Variants in VEGFC observed in about 807,000 individuals in gnomAD.
VEGFC encodes the protein vascular endothelial growth factor C.
A neutral mutation model predicts 46.1 loss-of-function variants in VEGFC; 12 were observed. That is an observed-to-expected ratio of 0.26 (90% CI 0.17 to 0.42). The LOEUF is 0.42. VEGFC is among the 10% of genes least tolerant of loss of function. VEGFC has a pLI of 1.00. For missense variants in VEGFC, 488 were observed against 529.4 expected (o/e 0.92, Z 0.77); for synonymous variants, 232 against 195.5 (o/e 1.19, Z -1.56).
Position 176,711,029 on chromosome 4 carries a change from TAC to T in VEGFC, c.704+468_704+469del, listed in dbSNP as rs140093711. On this transcript the variant is annotated intron_variant, in intron 4 of 6. Coordinates refer to ENST00000618562, the MANE Select transcript of VEGFC (RefSeq NM_005429.5). ...ACATGGAGATACATATATACACATA[TAC>T]ACACACACACATATATATTTTTATG... Among the ~76,000 whole-genome samples, 317 of 152,084 alleles carry T rather than the reference TAC, an allele frequency of 2.1e-3. 10 individuals carry two copies. In the East Asian group the frequency reaches 0.049, roughly 24 times the overall value.
intron 3 of VEGFC, among the ~76,000 whole-genome samples, chr4:176,723,909 T>TC (rs1734832440): frequency 6.6e-6 from 1 of 151,228 alleles, no homozygotes; most frequent in Non-Finnish European, 1.5e-5. Context: ...GGTTTGGGGG[T>TC]CCATGTGCAG....
chr4:176,738,034 C>G (rs2111027597), intron 1 of VEGFC, among the ~76,000 whole-genome samples: 1 of 151,910 alleles, frequency 6.6e-6, no homozygotes, highest in South Asian at 2.1e-4. Flanking sequence ...GTACAAACCA[C>G]TGATAAAAAA....
intron 3 of VEGFC, among the ~76,000 whole-genome samples, chr4:176,717,478 T>C (rs576157805): frequency 4.5e-4 from 69 of 152,230 alleles, no homozygotes; most frequent in African/African-American, 1.5e-3. Context: ...TACAGCAGCA[T>C]AGCAACGGCT....
intron 1 of VEGFC, among the ~76,000 whole-genome samples, chr4:176,737,377 C>A (rs548921728): frequency 4.2e-5 from 6 of 144,126 alleles, no homozygotes; most frequent in African/African-American, 1.6e-4. Flanking sequence ...TATTTTCCAA[C>A]AAACGTTATA....
chr4:176,735,790 A>G (rs1579113327), intron 1 of VEGFC, among the ~76,000 whole-genome samples: 1 of 151,898 alleles, frequency 6.6e-6, no homozygotes, highest in Admixed American at 6.6e-5. Context: ...AGCTGCTTCA[A>G]AGAGGTGCCT....
chr4:176,743,080 GC>G (rs1204964102), intron 1 of VEGFC, among the ~76,000 whole-genome samples: 3 of 152,022 alleles, frequency 2.0e-5, no homozygotes, highest in African/African-American at 7.2e-5. Context: ...GGGACTGGCT[GC>G]CCAGGAAAGT....
At chr4:176,734,191 A>C (rs73872166) in intron 1 of VEGFC, among the ~76,000 whole-genome samples, 2 of 151,770 alleles carry the variant, frequency 1.3e-5, no homozygotes, top group African/African-American at 4.8e-5. Context: ...TGAGTATAAT[A>C]ACTGTAAAAA....
intron 3 of VEGFC, among the ~76,000 whole-genome samples, chr4:176,716,065 T>A (rs1019741229): frequency 2.0e-5 from 3 of 152,198 alleles, no homozygotes; most frequent in African/African-American, 7.2e-5. Flanking sequence ...TTTCTCTTCC[T>A]CCTCTTCTTT....
At chr4:176,711,975 T>C (rs758030737) in intron 3 of VEGFC, among the ~76,000 whole-genome samples, 19 of 152,156 alleles carry the variant, frequency 1.2e-4, no homozygotes, top group African/African-American at 4.6e-4. Flanking sequence ...TTCAAAGTTA[T>C]AGATTATTTG....
intron 3 of VEGFC, among the ~76,000 whole-genome samples, chr4:176,722,758 C>T (rs149612379): frequency 2.2e-3 from 334 of 152,164 alleles, no homozygotes; most frequent in African/African-American, 7.5e-3. Flanking sequence ...TCTTGGCATC[C>T]CAAAGTGCTG....
intron 1 of VEGFC, among the ~76,000 whole-genome samples, chr4:176,777,143 C>G (rs1735827258): frequency 6.8e-6 from 1 of 147,956 alleles, no homozygotes; most frequent in South Asian, 2.1e-4. Context: ...GAAACCCCAT[C>G]TCTACTAAAA....
At chr4:176,752,084 AAT>A (rs530396688) in intron 1 of VEGFC, among the ~76,000 whole-genome samples, 43 of 152,180 alleles carry the variant, frequency 2.8e-4, no homozygotes, top group African/African-American at 9.9e-4. Context: ...ACCAAAATGT[AAT>A]AGTTATTTTT....
At chr4:176,761,102 A>C (rs1287266893) in intron 1 of VEGFC, among the ~76,000 whole-genome samples, 2 of 152,210 alleles carry the variant, frequency 1.3e-5, no homozygotes, top group African/African-American at 4.8e-5. Flanking sequence ...TGAATATTTA[A>C]AAAAGTATAT....
At chr4:176,685,546 G>T (rs2110960609) in intron 6 of VEGFC, among the ~76,000 whole-genome samples, 1 of 152,150 alleles carries the variant, frequency 6.6e-6, no homozygotes, top group African/African-American at 2.4e-5. Flanking sequence ...TAGAAATATT[G>T]TCTGTGTTCA....
rs1046321468 is a variant in VEGFC at position 176,737,354 on chromosome 4, TATAA to T, written c.148-7612_148-7609del. ...TAATATATAAATACAGAATAAATATTATAAATATAGCATATTTTCCAACAAACGT... is the reference window on the plus strand; with the variant it reads ...TAATATATAAATACAGAATAAATATTATATAGCATATTTTCCAACAAACGT... On this transcript the variant is annotated intron_variant, in intron 1 of 6. Coordinates refer to ENST00000618562, the MANE Select transcript of VEGFC (RefSeq NM_005429.5). Among the ~76,000 whole-genome samples the T allele has an allele frequency of 3.3e-3, 480 of 146,396 alleles. 3 individuals are homozygous for T. Among genetic ancestry groups the T allele is most frequent in the Admixed American group, 7.6e-3 (110 of 14,514 alleles).
At chr4:176,684,678 A>G (rs1313004559) in intron 6 of VEGFC, among the ~76,000 whole-genome samples, 2 of 152,160 alleles carry the variant, frequency 1.3e-5, no homozygotes, top group Non-Finnish European at 2.9e-5. Context: ...CGGTGAGAGG[A>G]CAAATTATCA....
At chr4:176,711,348 T>C (rs565462956) in intron 4 of VEGFC, 151 bp downstream of exon 4, 4 of 836,678 alleles carry the variant, frequency 4.8e-6, no homozygotes, top group South Asian at 6.7e-5. Flanking sequence ...ATTTTCATTG[T>C]ATACTATACA....
chr4:176,790,910 C>A (rs1736078936), intron 1 of VEGFC, among the ~76,000 whole-genome samples: 1 of 152,078 alleles, frequency 6.6e-6, no homozygotes, highest in Non-Finnish European at 1.5e-5. Flanking sequence ...AGAATGCAGT[C>A]TGTTCTATTT....
In VEGFC at chr4:176,710,341, G is replaced by A. The variant is rs558708224; in HGVS notation, c.704+1158C>T. On this transcript the variant is annotated intron_variant, in intron 4 of 6. Coordinates refer to ENST00000618562, the MANE Select transcript of VEGFC (RefSeq NM_005429.5). ...AATTGCACATACGGCATCCTCTTGAGTTCAGATGGTAGTGGTCTCTTGCTT... is the reference window on the plus strand; with the variant it reads ...AATTGCACATACGGCATCCTCTTGAATTCAGATGGTAGTGGTCTCTTGCTT... Among the ~76,000 whole-genome samples the A allele has an allele frequency of 3.3e-5, 5 of 152,254 alleles. No homozygotes were observed. The South Asian group carries it at 8.3e-4, about 25-fold the overall frequency.
Sources: allele counts gnomAD v4.1 joint callset (sites outside exome capture counted in the v4.1 genomes callset), GRCh38; gene constraint gnomAD v4.1.1; transcripts MANE v1.5; gene names NCBI Gene and HGNC (gene_info 2026-07-23, HGNC 2026-07-21).